The following C8orf34 variants were observed in gnomAD, a reference collection of about 807,000 sequenced individuals.
C8orf34 encodes uncharacterized protein C8orf34.
In C8orf34, 65 loss-of-function variants were observed where a neutral mutation model predicts 68.3. The ratio of observed to expected loss-of-function variants is 0.95; its 90% confidence interval spans 0.78 to 1.17. C8orf34 has a LOEUF of 1.17. C8orf34 is among the 50% of genes most tolerant of loss of function. The pLI is 0.00. For missense variants in C8orf34, 664 were observed against 655.4 expected (o/e 1.01, Z -0.14); for synonymous variants, 244 against 241.2 (o/e 1.01, Z -0.11).
chr8:68,535,438 TA>T, intron 7 of C8orf34: 1 of 978,882 alleles, frequency 1.0e-6, no homozygotes, highest in Non-Finnish European at 1.2e-6. Context: ...AAGTGATAAA[TA>T]AGTGAAAGGT....
At chr8:68,602,520 G>A (rs908029367) in intron 7 of C8orf34, among the ~76,000 whole-genome samples, 3 of 151,906 alleles carry the variant, frequency 2.0e-5, no homozygotes, top group South Asian at 2.1e-4. Context: ...TCACCATCAC[G>A]AGAATAGCAT....
intron 10 of C8orf34, among the ~76,000 whole-genome samples, chr8:68,728,021 C>T (rs1399898708): frequency 1.3e-5 from 2 of 152,212 alleles, no homozygotes; most frequent in East Asian, 3.9e-4. Context: ...TTTTCTATCA[C>T]ATAGTCAGGC....
intron 7 of C8orf34, among the ~76,000 whole-genome samples, chr8:68,547,290 G>A (rs569341557): frequency 1.3e-5 from 2 of 151,762 alleles, no homozygotes; most frequent in South Asian, 4.2e-4. Flanking sequence ...TAGATATAAG[G>A]AAAAATATTC....
intron 7 of C8orf34, among the ~76,000 whole-genome samples, chr8:68,622,516 C>T (rs190845238): frequency 1.3e-5 from 2 of 152,140 alleles, no homozygotes; most frequent in African/African-American, 4.8e-5. Flanking sequence ...TTTTGTGTTG[C>T]TTATATAGCA....
At chr8:68,588,258 ATG>A (rs1435352114) in intron 7 of C8orf34, among the ~76,000 whole-genome samples, 18 of 152,110 alleles carry the variant, frequency 1.2e-4, no homozygotes, top group African/African-American at 3.1e-4. Context: ...ACTGAATTTC[ATG>A]TGGAAAGATA....
intron 8 of C8orf34, among the ~76,000 whole-genome samples, chr8:68,679,494 C>T (rs1820298926): frequency 6.6e-6 from 1 of 152,032 alleles, no homozygotes; most frequent in Admixed American, 6.6e-5. Context: ...AATGTCCATT[C>T]TACCCAAGGC....
At chr8:68,527,058 TATATG>T (rs1163139433) in intron 6 of C8orf34, among the ~76,000 whole-genome samples, 1 of 152,126 alleles carries the variant, frequency 6.6e-6, no homozygotes, top group Non-Finnish European at 1.5e-5. Flanking sequence ...ATTCCTTGAG[TATATG>T]AACACCAAAT....
intron 7 of C8orf34, among the ~76,000 whole-genome samples, chr8:68,632,297 G>T (rs1020402268): frequency 6.6e-6 from 1 of 152,124 alleles, no homozygotes; most frequent in Non-Finnish European, 1.5e-5. Flanking sequence ...TTTTGAACTT[G>T]AGAAAGATGA....
chr8:68,603,561 C>A (rs879860803), intron 7 of C8orf34, among the ~76,000 whole-genome samples: 39,432 of 149,220 alleles, frequency 0.26, 7,506 homozygotes, highest in African/African-American at 0.54. Flanking sequence ...ATCTATCTAT[C>A]TATCTATCTA....
chr8:68,436,168 A>T (rs1323344775), intron 1 of C8orf34, among the ~76,000 whole-genome samples: 2 of 152,152 alleles, frequency 1.3e-5, no homozygotes, highest in Admixed American at 1.3e-4. Flanking sequence ...AGACTGTGCC[A>T]CTGCACTCTA....
At chr8:68,383,009 T>G (rs79940244) in intron 1 of C8orf34, among the ~76,000 whole-genome samples, 7,816 of 152,256 alleles carry the variant, frequency 0.051, 248 homozygotes, top group Non-Finnish European at 0.06. Context: ...AAGAGTGCTG[T>G]CTTTCTTTTG....
intron 1 of C8orf34, among the ~76,000 whole-genome samples, chr8:68,355,435 A>G (rs904796342): frequency 2.0e-5 from 3 of 152,154 alleles, no homozygotes; most frequent in Non-Finnish European, 2.9e-5. Flanking sequence ...GGACACTGTG[A>G]GGAATTTATG....
chr8:68,352,366 G>A (rs573193334), intron 1 of C8orf34, among the ~76,000 whole-genome samples: 16 of 152,000 alleles, frequency 1.1e-4, no homozygotes, highest in Admixed American at 2.6e-4. Flanking sequence ...AGCAAATCAC[G>A]GAAACTGGAA....
chr8:68,772,845 CTCTT>C (rs991521487), intron 10 of C8orf34, among the ~76,000 whole-genome samples: 8 of 143,998 alleles, frequency 5.6e-5, no homozygotes, highest in African/African-American at 1.5e-4. Flanking sequence ...CTTTCTTTCT[CTCTT>C]TCTCTCCTTC....
At chr8:68,655,332 C>A (rs1248672043) in intron 8 of C8orf34, among the ~76,000 whole-genome samples, 1 of 152,060 alleles carries the variant, frequency 6.6e-6, no homozygotes, top group African/African-American at 2.4e-5. Flanking sequence ...TAAAATAAGG[C>A]AATAAATCTC....
At chr8:68,692,572 C>A (rs77388643) in intron 8 of C8orf34, among the ~76,000 whole-genome samples, 28,519 of 151,848 alleles carry the variant, frequency 0.19, 3,070 homozygotes, top group Non-Finnish European at 0.24. Context: ...AAAAAGACTT[C>A]GAGTTTCTAA....
At chr8:68,481,237 G>A (rs1270394369) in intron 4 of C8orf34, among the ~76,000 whole-genome samples, 5 of 152,250 alleles carry the variant, frequency 3.3e-5, no homozygotes, top group Admixed American at 2.0e-4. Flanking sequence ...GAGCCTGCAC[G>A]TGCACAGAAG....
intron 7 of C8orf34, among the ~76,000 whole-genome samples, chr8:68,606,123 A>G (rs557015733): frequency 1.3e-5 from 2 of 152,282 alleles, no homozygotes; most frequent in South Asian, 2.1e-4. Context: ...AACCAATGCA[A>G]TATGACGCAT....
At chr8:68,680,032 A>G (rs1371145473) in intron 8 of C8orf34, among the ~76,000 whole-genome samples, 3 of 152,206 alleles carry the variant, frequency 2.0e-5, no homozygotes, top group Non-Finnish European at 4.4e-5. Flanking sequence ...ATCTTGAGTT[A>G]TCTCTACAAG....
Sources: gnomAD v4.1 joint callset for allele counts (sites outside exome capture counted in the v4.1 genomes callset) on GRCh38, gnomAD v4.1.1 for gene constraint, MANE v1.5 for transcripts, NCBI Gene and HGNC (gene_info 2026-07-23, HGNC 2026-07-21) for gene names.